The following ZGPAT variants were observed in gnomAD, a reference collection of about 807,000 sequenced individuals.
ZGPAT encodes the protein zinc finger CCCH-type and G-patch domain containing.
ZGPAT carries 39 observed loss-of-function variants against 47.9 expected under a neutral mutation model. That is an observed-to-expected ratio of 0.81 (90% confidence interval 0.63 to 1.06). ZGPAT has a LOEUF of 1.06. Among genes scored for constraint, ZGPAT ranks in the 50% least tolerant of loss-of-function variants. The pLI is 0.00. For missense variants in ZGPAT, 717 were observed against 681.4 expected, an observed-to-expected ratio of 1.05 and a Z score of -0.58; for synonymous variants, 348 against 292.9, an observed-to-expected ratio of 1.19 and a Z score of -1.92.
intron 2 of ZGPAT, among the ~76,000 whole-genome samples, chr20:63,709,994 G>T (rs1337385526): frequency 6.6e-6 from 1 of 152,058 alleles, no homozygotes; most frequent in Non-Finnish European, 1.5e-5. Context: ...CCGAGTAGCT[G>T]GGACTACAGG....
At chr20:63,713,006 G>T (rs573038809) in intron 2 of ZGPAT, among the ~76,000 whole-genome samples, 4 of 152,170 alleles carry the variant, frequency 2.6e-5, no homozygotes, top group Admixed American at 6.5e-5. Flanking sequence ...ATTTTGTACT[G>T]TTCAAGTCTT....
intron 2 of ZGPAT, among the ~76,000 whole-genome samples, chr20:63,730,976 G>A (rs971325530): frequency 7.5e-6 from 1 of 132,538 alleles, no homozygotes; most frequent in Non-Finnish European, 1.5e-5. Context: ...CTCTCTGTGT[G>A]TGTGTGTGTG....
At chr20:63,714,143 G>A (rs928716241) in intron 2 of ZGPAT, among the ~76,000 whole-genome samples, 2 of 151,856 alleles carry the variant, frequency 1.3e-5, no homozygotes, top group Non-Finnish European at 2.9e-5. Context: ...TGACTAGAGC[G>A]GGCCGGGGGT....
intron 2 of ZGPAT, among the ~76,000 whole-genome samples, chr20:63,724,750 T>C (rs2091826146): frequency 6.7e-6 from 1 of 150,304 alleles, no homozygotes; most frequent in Non-Finnish European, 1.5e-5. Context: ...CTCAGATCAC[T>C]GCAACCTCTG....
intron 2 of ZGPAT, among the ~76,000 whole-genome samples, chr20:63,709,869 T>C (rs527975339): frequency 6.6e-6 from 1 of 151,988 alleles, no homozygotes; most frequent in African/African-American, 2.4e-5. Context: ...TAATTTTTTA[T>C]CTTTTTTTTG....
At chr20:63,732,066 GTGTA>G (rs2091910386) in intron 2 of ZGPAT, among the ~76,000 whole-genome samples, 1 of 152,038 alleles carries the variant, frequency 6.6e-6, no homozygotes, top group East Asian at 1.9e-4. Flanking sequence ...ATATGCATGT[GTGTA>G]TATGCATGCC....
At chr20:63,711,788 A>G (rs2750481) in intron 2 of ZGPAT, among the ~76,000 whole-genome samples, 28,924 of 151,882 alleles carry the variant, frequency 0.19, 3,687 homozygotes, top group East Asian at 0.61. Context: ...GGGTTTCACC[A>G]TGTTGGCCAG....
At chr20:63,710,321 T>A (rs539588842) in intron 2 of ZGPAT, among the ~76,000 whole-genome samples, 16 of 150,972 alleles carry the variant, frequency 1.1e-4, no homozygotes, top group Non-Finnish European at 2.4e-4. Context: ...CTGGGCTAAT[T>A]TTTTGTATTT....
At chr20:63,719,821 A>G (rs1601327000) in intron 2 of ZGPAT, among the ~76,000 whole-genome samples, 2 of 150,648 alleles carry the variant, frequency 1.3e-5, no homozygotes, top group African/African-American at 2.4e-5. Context: ...GCTCACTACA[A>G]CCTCCGCCTC....
chr20:63,734,901 G>A, intron 5 of ZGPAT, 77 bp downstream of exon 5: 2 of 1,477,536 alleles, frequency 1.4e-6, no homozygotes, highest in Non-Finnish European at 1.8e-6. Flanking sequence ...AGGTTCCCGG[G>A]GTCCCGCAGC....
intron 5 of ZGPAT, 45 bp from the exon 6 acceptor site, chr20:63,735,114 C>T (rs1379005691): frequency 6.8e-7 from 1 of 1,478,420 alleles, no homozygotes; most frequent in Non-Finnish European, 8.9e-7. Flanking sequence ...CCTCAGATTC[C>T]CGGGGTCCCG....
At chr20:63,709,297 G>A in intron 2 of ZGPAT, 133 bp downstream of exon 2, 1 of 978,106 alleles carries the variant, frequency 1.0e-6, no homozygotes, top group Non-Finnish European at 1.6e-6. Flanking sequence ...TTTGACAGCT[G>A]TGTCTGTGTT....
intron 2 of ZGPAT, among the ~76,000 whole-genome samples, chr20:63,709,848 T>C (rs941838220): frequency 1.3e-4 from 20 of 152,032 alleles, no homozygotes; most frequent in Non-Finnish European, 2.4e-4. Context: ...CAGCTAATTT[T>C]TATATTACTA....
Position 63,735,994 on chromosome 20 carries a change from G to C in ZGPAT, c.*75G>C. The C allele has an allele frequency of 6.4e-7, 1 of 1,551,976 alleles. No homozygotes were observed. Among genetic ancestry groups the C allele is most frequent in the Non-Finnish European group, 8.7e-7 (1 of 1,146,098 alleles). ...CCTCAGGAAGACCAGTGTTGCCCGAGGAGGGGCCGGCCTGCTGGCCTGGGG... is the reference window on the plus strand; with the variant it reads ...CCTCAGGAAGACCAGTGTTGCCCGACGAGGGGCCGGCCTGCTGGCCTGGGG... On this transcript the variant is annotated 3_prime_UTR_variant, in exon 7 of 7. Coordinates refer to ENST00000355969, the MANE Select transcript of ZGPAT (RefSeq NM_181485.3).
chr20:63,735,183 G>A lies in ZGPAT; in HGVS notation c.1016G>A (p.Arg339Gln), dbSNP rs779045592. ...GKGLGRHAEG[R>Q]VEPIHAVVLP... The stretch of plus-strand genomic sequence containing the variant: ...GGTTTGGGCCGACACGCGGAAGGCC[G>A]GGTGGAGCCCATCCATGCTGTGGTG... The change falls in exon 6 of 7, where the codon CGG becomes CAG. Residue 339 changes from arginine to glutamine, a missense_variant. Physicochemically the swap from Arg to Gln is conservative, Grantham distance 43 (BLOSUM62 1). Transcript: ENST00000355969. 13 of 1,527,306 alleles carry A rather than the reference G, an allele frequency of 8.5e-6. No homozygotes were observed. In the East Asian group the frequency reaches 9.2e-5, roughly 11 times the overall value. 94.6% of individuals were successfully genotyped at this position (1,527,306 alleles called of 1,614,324 possible). A position where few individuals can be genotyped will look rare whatever the true frequency, so the allele number is the denominator to read the frequency against.
intron 2 of ZGPAT, among the ~76,000 whole-genome samples, chr20:63,716,357 A>C (rs1254963027): frequency 6.6e-6 from 1 of 152,074 alleles, no homozygotes; most frequent in Non-Finnish European, 1.5e-5. Flanking sequence ...GTTTGCATGC[A>C]TGTTTCTAGG....
rs1324504343 is a variant in ZGPAT, at chr20:63,732,281, G to T, written c.585-938G>T. Reference sequence around the variant, plus strand: ...TGGATGAGAGGTCGCATGTGTGTGGGTGAGGGCGTGTGTGTGTGCATGTGT... The same window carrying T: ...TGGATGAGAGGTCGCATGTGTGTGGTTGAGGGCGTGTGTGTGTGCATGTGT... On this transcript the variant is annotated intron_variant, in intron 2 of 6. Transcript: ENST00000355969. Among the ~76,000 whole-genome samples the T allele has an allele frequency of 1.6e-4, 13 of 81,860 alleles. 1 individual carries two copies. The highest frequency in any genetic ancestry group is 6.1e-4 in the African/African-American group (13 of 21,464). The allele number at this position is 81,860 out of a possible 152,430, so 53.7% of individuals were successfully genotyped here. A position where few individuals can be genotyped will look rare whatever the true frequency, so the allele number is the denominator to read the frequency against.
chr20:63,722,401 C>T (rs1358600646), intron 2 of ZGPAT, among the ~76,000 whole-genome samples: 1 of 152,286 alleles, frequency 6.6e-6, no homozygotes, highest in East Asian at 1.9e-4. Context: ...ACAGTTTTGA[C>T]AGCTGAATAG....
At chr20:63,721,814 G>A (rs563324966) in intron 2 of ZGPAT, among the ~76,000 whole-genome samples, 82 of 152,026 alleles carry the variant, frequency 5.4e-4, no homozygotes, top group Middle Eastern at 3.4e-3. Context: ...TCAGGAGTTC[G>A]AGACCAGCCT....
Sources: gnomAD v4.1 joint callset for allele counts (sites outside exome capture counted in the v4.1 genomes callset) on GRCh38, gnomAD v4.1.1 for gene constraint, MANE v1.5 for transcripts, NCBI Gene and HGNC (gene_info 2026-07-23, HGNC 2026-07-21) for gene names.